C3orf52: variants seen among roughly 807,000 people sequenced by gnomAD.
C3orf52 encodes the protein chromosome 3 open reading frame 52, also known as TPA-induced transmembrane protein.
A neutral mutation model predicts 24.8 loss-of-function variants in C3orf52; 22 were observed. The observed-to-expected ratio is 0.89, with a 90% confidence interval of 0.63 to 1.27. The LOEUF (loss-of-function observed/expected upper bound fraction) is 1.27, where lower values mean the gene tolerates loss of function less well. Ranked by LOEUF, C3orf52 falls within the 50% of genes most tolerant of loss-of-function variation. The pLI, the probability that C3orf52 is intolerant of heterozygous loss-of-function variation, is 0.00. For missense variants in C3orf52, 265 were observed against 260.7 expected, an observed-to-expected ratio of 1.02 and a Z score of -0.11; for synonymous variants, 93 against 100.2, an observed-to-expected ratio of 0.93 and a Z score of 0.43.
At chr3:112,128,165 C>T in intron 4 of C3orf52, 1 of 952,194 alleles carries the variant, frequency 1.1e-6, no homozygotes, top group Admixed American at 1.8e-5. Flanking sequence ...TTTTTTCTCC[C>T]CGCAAGCGTG....
At position 112,093,359 on chromosome 3, in the gene C3orf52, G is replaced by C; in HGVS notation, c.139-1G>C. On this transcript the variant is annotated splice_acceptor_variant, in intron 1 of 5. Coordinates refer to ENST00000264848, the MANE Select transcript of C3orf52 (RefSeq NM_024616.3). LOFTEE classifies it high-confidence loss of function. ...CTCACAATCTCCCTCTGCCTTTCTA[G>C]GCTAACAAGGAAAGCCCCTGGAGCT... is the stretch of plus-strand genomic sequence containing the variant. 1 of 1,613,668 alleles carries C rather than the reference G, an allele frequency of 6.2e-7. No individual in the cohort carries two copies. Among genetic ancestry groups the C allele is most frequent in the Non-Finnish European group, 8.5e-7 (1 of 1,179,724 alleles).
In C3orf52 at chr3:112,101,879, G is replaced by A. The variant is rs561058032; in HGVS notation, c.269-959G>A. On this transcript the variant is annotated intron_variant, in intron 2 of 5. Transcript: ENST00000264848. ...TGGTGAGGCTGTTGTGGAGCCAGGG[G>A]AGCATAATTAGCACAGTAGTGCTAG... Among the ~76,000 whole-genome samples the A allele has an allele frequency of 7.2e-5, 11 of 152,310 alleles. No homozygotes were observed. The South Asian group carries it at 2.3e-3, about 32-fold the overall frequency.
chr3:112,107,091 G>A (rs1332368927), intron 3 of C3orf52, among the ~76,000 whole-genome samples: 2 of 152,118 alleles, frequency 1.3e-5, no homozygotes, highest in East Asian at 3.8e-4. Context: ...AAGAATCTTC[G>A]AGTGAACACT....
intron 4 of C3orf52, chr3:112,123,448 C>T (rs1186056420): frequency 6.2e-7 from 1 of 1,612,444 alleles, no homozygotes; most frequent in Non-Finnish European, 8.5e-7. Context: ...CTAGTCCAGC[C>T]ACTTCACTAT....
At chr3:112,134,557 C>T (rs538963865), downstream of C3orf52, 4 of 152,258 alleles carry the variant, frequency 2.6e-5, no homozygotes, top group South Asian at 8.3e-4. Flanking sequence ...AGGGAACTCT[C>T]CCATCTCAGA....
In C3orf52 at chr3:112,113,043, A is replaced by T. The variant is rs1433840771; in HGVS notation, c.547A>T (p.Ser183Cys). ...DDENFMKYMM[S>C]EELVLGILLQ... ...TGAAAATTTTATGAAGTATATGATG[A>T]GTGAGGAGTTGGTGCTGGGCATTTT... is the stretch of plus-strand genomic sequence containing the variant. Residue 183 changes from serine to cysteine, a missense_variant, in exon 5 of 6, where the codon AGT (serine) becomes TGT (cysteine). Ser to Cys is a moderately radical substitution (Grantham distance 112). Transcript: ENST00000264848. The T allele has an allele frequency of 5.6e-6, 9 of 1,609,372 alleles. No individual in the cohort carries two copies. The East Asian group carries it at 2.0e-4, about 36-fold the overall frequency.
At chr3:112,128,266 A>T (rs1444178498) in exon 5 of C3orf52, 6 of 692,628 alleles carry the variant, frequency 8.7e-6, no homozygotes, top group Non-Finnish European at 1.6e-5. Flanking sequence ...CCTAATCAGG[A>T]AAAAAGCTTT....
intron 2 of C3orf52, among the ~76,000 whole-genome samples, chr3:112,101,619 G>A (rs1477998116): frequency 6.6e-6 from 1 of 152,146 alleles, no homozygotes; most frequent in African/African-American, 2.4e-5. Context: ...TCTCAGGCCT[G>A]CTATATTAAC....
chr3:112,108,347 A>C (rs2074047070), intron 3 of C3orf52, among the ~76,000 whole-genome samples: 1 of 152,222 alleles, frequency 6.6e-6, no homozygotes, highest in Admixed American at 6.5e-5. Flanking sequence ...GTTTGGTAAC[A>C]CTAAGTGCTG....
chr3:112,094,384 A>G (rs1188739195), intron 2 of C3orf52, among the ~76,000 whole-genome samples: 3 of 152,238 alleles, frequency 2.0e-5, no homozygotes, highest in African/African-American at 4.8e-5. Context: ...CTAACTATAT[A>G]TGACTACATC....
At chr3:112,131,501 A>G (rs553639832), downstream of C3orf52, among the ~76,000 whole-genome samples, 1 of 152,270 alleles carries the variant, frequency 6.6e-6, no homozygotes, top group South Asian at 2.1e-4. Context: ...ATTTTAATGA[A>G]TTTATTTTTA....
downstream of C3orf52, chr3:112,123,195 C>A: frequency 1.8e-6 from 1 of 548,748 alleles, no homozygotes; most frequent in Non-Finnish European, 3.1e-6. Context: ...GCCCCTCCTA[C>A]CACTATACTC....
downstream of C3orf52, chr3:112,133,098 T>C (rs1458009087): frequency 6.2e-7 from 1 of 1,613,852 alleles, no homozygotes; most frequent in Non-Finnish European, 8.5e-7. Flanking sequence ...TTACCTGTTT[T>C]CTCTCAGCAG....
intron 4 of C3orf52, chr3:112,128,037 T>C: frequency 6.2e-7 from 1 of 1,613,824 alleles, no homozygotes; most frequent in South Asian, 1.1e-5. Context: ...AGAAACACCC[T>C]TCAGCGATAT....
chr3:112,100,233 T>C (rs1559971826), intron 2 of C3orf52, among the ~76,000 whole-genome samples: 1 of 152,184 alleles, frequency 6.6e-6, no homozygotes, highest in Non-Finnish European at 1.5e-5. Flanking sequence ...TTAACAACAC[T>C]CCATTACCCC....
intron 2 of C3orf52, among the ~76,000 whole-genome samples, chr3:112,096,848 G>A (rs1283865817): frequency 1.3e-5 from 2 of 152,196 alleles, no homozygotes; most frequent in East Asian, 1.9e-4. Context: ...GCCTGTACAT[G>A]GGTTGGGCTT....
At chr3:112,112,829 A>T in intron 4 of C3orf52, 135 bp from the exon 5 acceptor site, 1 of 779,442 alleles carries the variant, frequency 1.3e-6, no homozygotes, top group Non-Finnish European at 2.3e-6. Context: ...ATGTTCTTCC[A>T]GGACAGAACA....
downstream of C3orf52, among the ~76,000 whole-genome samples, chr3:112,131,466 G>A (rs957001211): frequency 6.6e-5 from 10 of 152,082 alleles, no homozygotes; most frequent in South Asian, 1.0e-3. Flanking sequence ...TTTTGAATAC[G>A]TTAACGGAAA....
At chr3:112,134,017 A>G (rs2107820862), downstream of C3orf52, 1 of 152,500 alleles carries the variant, frequency 6.6e-6, no homozygotes, top group East Asian at 1.9e-4. Flanking sequence ...CTCAGCTGGC[A>G]GACAGACAAG....
Sources: gnomAD v4.1 joint callset for allele counts (sites outside exome capture counted in the v4.1 genomes callset) on GRCh38, gnomAD v4.1.1 for gene constraint, MANE v1.5 for transcripts, NCBI Gene and HGNC (gene_info 2026-07-23, HGNC 2026-07-21) for gene names.